Variants in KCNK5 observed in about 807,000 individuals in gnomAD.
The protein encoded by KCNK5 is potassium channel subfamily K member 5.
KCNK5 carries 18 observed loss-of-function variants against 32.9 expected under a neutral mutation model. The ratio of observed to expected loss-of-function variants is 0.55; its 90% CI spans 0.38 to 0.81. The LOEUF is 0.81. Ranked by LOEUF, KCNK5 falls within the 30% of genes least tolerant of loss-of-function variation. KCNK5 has a pLI of 0.00. For synonymous variants in KCNK5, 276 were observed against 275.3 expected (o/e 1.00, Z -0.03); for missense variants, 507 against 651.0 (o/e 0.78, Z 2.41).
At chr6:39,222,618 C>T (rs1583722438) in intron 1 of KCNK5, among the ~76,000 whole-genome samples, 1 of 152,164 alleles carries the variant, frequency 6.6e-6, no homozygotes, top group East Asian at 1.9e-4. Flanking sequence ...AGAACACCTC[C>T]CCAAGGGCTA....
intron 1 of KCNK5, among the ~76,000 whole-genome samples, chr6:39,196,190 C>A (rs1771028061): frequency 6.6e-6 from 1 of 152,178 alleles, no homozygotes; most frequent in Admixed American, 6.5e-5. Flanking sequence ...TGAACCCAGG[C>A]AATCTGGCTC....
In KCNK5 at chr6:39,215,574, A is replaced by AT. The variant is rs1395825767; in HGVS notation, c.186+13351dup. ...GGTACCCAAGCCAAAATAAACATCC[A>AT]TAAAGGGCCCCGCCCTGAGGTCCTT... On this transcript the variant is annotated intron_variant, in intron 1 of 4. Coordinates refer to ENST00000359534, the MANE Select transcript of KCNK5 (RefSeq NM_003740.4). 6.6e-5 allele frequency among the ~76,000 whole-genome samples: 10 copies of AT among 152,330 alleles called. No individual in the cohort carries two copies. In the East Asian group the frequency reaches 1.9e-3, roughly 29 times the overall value.
intron 1 of KCNK5, among the ~76,000 whole-genome samples, chr6:39,205,740 G>C (rs1216224122): frequency 6.6e-6 from 1 of 152,164 alleles, no homozygotes; most frequent in Non-Finnish European, 1.5e-5. Flanking sequence ...TGTCCAGCTG[G>C]GCAGAGCAGC....
intron 1 of KCNK5, 99 bp downstream of exon 1, chr6:39,228,827 A>G: frequency 8.4e-7 from 1 of 1,196,666 alleles, no homozygotes; most frequent in Non-Finnish European, 1.2e-6. Context: ...TTCCACAGGG[A>G]CTGAGGGTCA....
intron 1 of KCNK5, among the ~76,000 whole-genome samples, chr6:39,209,536 G>A (rs1771290813): frequency 1.3e-5 from 2 of 152,212 alleles, no homozygotes; most frequent in South Asian, 2.1e-4. Context: ...GGGATGGGGT[G>A]GGGGTTGGAA....
intron 1 of KCNK5, among the ~76,000 whole-genome samples, chr6:39,213,882 C>T (rs186835250): frequency 3.3e-5 from 5 of 152,046 alleles, no homozygotes; most frequent in African/African-American, 4.8e-5. Flanking sequence ...AAAAATTAGC[C>T]GGGTGTGGTG....
chr6:39,227,143 C>G lies in KCNK5; in HGVS notation c.186+1783G>C, dbSNP rs1219943440. Among the ~76,000 whole-genome samples the G allele has an allele frequency of 2.0e-5, 3 of 151,484 alleles. No homozygotes were observed. The South Asian group carries it at 6.3e-4, about 32-fold the overall frequency. On this transcript the variant is annotated intron_variant, in intron 1 of 4. Transcript: ENST00000359534. ...CGCCGTATGCCCCGCCAGCCTTTCC[C>G]TTTGCCTTGTGTTTTGAAGTTTATT...
rs113991076 is a variant in KCNK5 at position 39,206,147 on chromosome 6, T to C, written c.187-10160A>G. ...ATGGTGAAGCCAAACAGCAAGCTGG[T>C]GACCCAGCAGAGCAGGTGAGGCCCT... On this transcript the variant is annotated intron_variant, in intron 1 of 4. Transcript: ENST00000359534. Among the ~76,000 whole-genome samples the C allele has an allele frequency of 9.0e-3, 1,350 of 149,584 alleles. 26 individuals carry two copies. Among genetic ancestry groups the C allele is most frequent in the African/African-American group, 0.032 (1,269 of 39,532 alleles).
intron 1 of KCNK5, among the ~76,000 whole-genome samples, chr6:39,228,033 A>G (rs1771705128): frequency 6.6e-6 from 1 of 152,118 alleles, no homozygotes; most frequent in African/African-American, 2.4e-5. Flanking sequence ...AAACTGGGGT[A>G]GAGGGCCTCG....
Position 39,190,688 on chromosome 6 carries a change from T to A in KCNK5, c.*202A>T. ...AGGACAGATGCCCCCACAGCCAGGGTATGGTTCAGCTGGAGAACAGAGGCC... is the reference window on the plus strand; with the variant it reads ...AGGACAGATGCCCCCACAGCCAGGGAATGGTTCAGCTGGAGAACAGAGGCC... On this transcript the variant is annotated 3_prime_UTR_variant, in exon 5 of 5. Transcript: ENST00000359534. 1 of 489,012 alleles carries A rather than the reference T, an allele frequency of 2.0e-6. No individual in the cohort carries two copies. Among genetic ancestry groups the A allele is most frequent in the Non-Finnish European group, 3.5e-6 (1 of 285,786 alleles). 30.3% of individuals were successfully genotyped at this position (489,012 alleles called of 1,614,324 possible). A position where few individuals can be genotyped will look rare whatever the true frequency, so the allele number is the denominator to read the frequency against.
chr6:39,212,131 A>G (rs1423523436), intron 1 of KCNK5, among the ~76,000 whole-genome samples: 1 of 152,138 alleles, frequency 6.6e-6, no homozygotes, highest in East Asian at 1.9e-4. Flanking sequence ...TCTACAAAAC[A>G]TACAAAAATT....
Position 39,194,208 on chromosome 6 carries a change from T to A in KCNK5, c.595A>T (p.Ile199Phe). The A allele has an allele frequency of 6.2e-7, 1 of 1,614,014 alleles. No homozygotes were observed. Among genetic ancestry groups the A allele is most frequent in the Non-Finnish European group, 8.5e-7 (1 of 1,179,990 alleles). ...CCGAAGCCGATGGTGGAGATGGTGA[T>A]GAAGGAGTAGTAGAGGCCCTCGATG... The part of the protein sequence containing the change: ...NYIEGLYYSF[I>F]TISTIGFGDF... Residue 199 changes from isoleucine (I) to phenylalanine (F), a missense_variant, in exon 4 of 5, where the codon ATC becomes TTC. Physicochemically the swap from Ile to Phe is conservative, Grantham distance 21 (BLOSUM62 0). Coordinates refer to ENST00000359534, the MANE Select transcript of KCNK5 (RefSeq NM_003740.4). The surrounding 1 kb of genome is among the most constrained non-coding windows in gnomAD (Gnocchi z 4.7).
chr6:39,227,027 G>T (rs1033092745), intron 1 of KCNK5, among the ~76,000 whole-genome samples: 1 of 152,192 alleles, frequency 6.6e-6, no homozygotes, highest in African/African-American at 2.4e-5. Context: ...GAGGCATTTT[G>T]TTTGTTCAAA....
At chr6:39,215,502 C>T (rs913188380) in intron 1 of KCNK5, among the ~76,000 whole-genome samples, 13 of 152,232 alleles carry the variant, frequency 8.5e-5, no homozygotes, top group African/African-American at 1.9e-4. Context: ...ACCTCCATCC[C>T]GCACTGGGGG....
intron 1 of KCNK5, among the ~76,000 whole-genome samples, chr6:39,215,230 C>T (rs1269971833): frequency 6.6e-6 from 1 of 152,020 alleles, no homozygotes; most frequent in Non-Finnish European, 1.5e-5. Flanking sequence ...CCTGCTAACC[C>T]GGGGGGTGCT....
Position 39,189,614 on chromosome 6 carries a change from C to T in KCNK5, c.*1276G>A, listed in dbSNP as rs1039873225. ...CACAGTGGGCCAGCCCCAGGGTGAA[C>T]ATCATGGAGAACCCAAGAACTCTAG... On this transcript the variant is annotated 3_prime_UTR_variant, in exon 5 of 5. Transcript: ENST00000359534. 6.6e-6 allele frequency: 1 copy of T among 152,658 alleles called. No homozygotes were observed. The highest frequency in any genetic ancestry group is 1.5e-5 in the Non-Finnish European group (1 of 68,046). The allele number at this position is 152,658 out of a possible 1,614,324, so 9.5% of individuals were successfully genotyped here. A position where few individuals can be genotyped will look rare whatever the true frequency, so the allele number is the denominator to read the frequency against.
chr6:39,210,788 C>T (rs935601124), intron 1 of KCNK5, among the ~76,000 whole-genome samples: 2 of 152,140 alleles, frequency 1.3e-5, no homozygotes, highest in African/African-American at 2.4e-5. Flanking sequence ...AAACCAACAG[C>T]GAGGCCAGGA....
chr6:39,210,022 A>G (rs1771303710), intron 1 of KCNK5, among the ~76,000 whole-genome samples: 1 of 152,226 alleles, frequency 6.6e-6, no homozygotes, highest in Non-Finnish European at 1.5e-5. Context: ...GTTGTGGGGT[A>G]AGAGTGCTTT....
In KCNK5 at chr6:39,191,524, T is replaced by C. The variant is rs1338286655; in HGVS notation, c.866A>G (p.Asn289Ser). The C allele has an allele frequency of 6.2e-7, 1 of 1,614,024 alleles. No homozygotes were observed. Among genetic ancestry groups the C allele is most frequent in the Admixed American group, 1.7e-5 (1 of 60,028 alleles). ...CTTCTTGGAAAGAAAGCTGAAGATG[T>C]TGACGTCCTTGGAGGCTGTGCTCCC... ...VKGSTASKDV[N>S]IFSFLSKKEE... Residue 289 changes from asparagine (N) to serine (S), a missense_variant, in exon 5 of 5, where the codon AAC becomes AGC. By Grantham distance (46) the Asn-to-Ser change is conservative. Around this residue, in one of 6 missense-constraint regions of KCNK5, gnomAD observed 42 missense variants for 35.3 expected, o/e 1.19. Transcript: ENST00000359534. The surrounding 1 kb of genome is among the most constrained non-coding windows in gnomAD (Gnocchi z 5.8).
Sources: allele counts gnomAD v4.1 joint callset (sites outside exome capture counted in the v4.1 genomes callset), GRCh38; gene constraint gnomAD v4.1.1; regional missense constraint gnomAD v4.1.1; non-coding constraint Gnocchi (gnomAD v3.1); transcripts MANE v1.5; gene names NCBI Gene and HGNC (gene_info 2026-07-23, HGNC 2026-07-21).